The following THRB variants were observed in gnomAD, a reference collection of about 807,000 sequenced individuals.
The protein encoded by THRB is nuclear receptor subfamily 1 group A member 2.
Under a neutral mutation model 47.8 loss-of-function variants are expected in THRB, and 12 were observed. That is an observed-to-expected ratio of 0.25 (90% CI 0.16 to 0.41). The LOEUF is 0.41. THRB is among the 10% of genes least tolerant of loss of function. THRB has a pLI of 1.00. For missense variants in THRB, 348 were observed against 589.2 expected, an observed-to-expected ratio of 0.59 and a Z score of 4.24; for synonymous variants, 218 against 212.2, an observed-to-expected ratio of 1.03 and a Z score of -0.24.
At position 24,228,967 on chromosome 3, in the gene THRB, T is replaced by C; in HGVS notation, c.-8A>G. 1.9e-6 allele frequency: 3 copies of C among 1,611,894 alleles called. No homozygotes were observed. The highest frequency in any genetic ancestry group is 1.7e-6 in the Non-Finnish European group (2 of 1,178,684). On this transcript the variant is annotated 5_prime_UTR_variant, in exon 4 of 11. Coordinates refer to ENST00000646209, the MANE Select transcript of THRB (RefSeq NM_001354712.2). ...CATACTGTTGGGAGTCATAGGTTAG[T>C]AATCATTCTGGATCCCTTTTTTCAC...
At chr3:24,166,113 G>GA (rs2149297341) in intron 5 of THRB, among the ~76,000 whole-genome samples, 2 of 152,308 alleles carry the variant, frequency 1.3e-5, no homozygotes, top group South Asian at 4.1e-4. Context: ...GTACACGGTT[G>GA]AAAATGCTGC....
At chr3:24,175,724 G>A (rs1575601413) in intron 5 of THRB, among the ~76,000 whole-genome samples, 1 of 152,110 alleles carries the variant, frequency 6.6e-6, no homozygotes, top group Non-Finnish European at 1.5e-5. Context: ...ATAAAAAAAT[G>A]CAAAAATATT....
In THRB at chr3:24,164,911, C is replaced by A. The variant is rs115042891; in HGVS notation, c.284-12421G>T. ...CCCCTCTTACTGCCGTTTTTAATTT[C>A]AAATATTTAGCGTTCAAATTCAAAG... is the stretch of plus-strand genomic sequence containing the variant. On this transcript the variant is annotated intron_variant, in intron 5 of 10. Coordinates refer to ENST00000646209, the MANE Select transcript of THRB (RefSeq NM_001354712.2). 1,031 of 584,464 alleles carry A rather than the reference C, an allele frequency of 1.8e-3. 11 individuals are homozygous for A. Among genetic ancestry groups the A allele is most frequent in the African/African-American group, 0.016 (885 of 53,698 alleles). 36.2% of individuals were successfully genotyped at this position (584,464 alleles called of 1,614,324 possible). A position where few individuals can be genotyped will look rare whatever the true frequency, so the allele number is the denominator to read the frequency against.
chr3:24,175,213 T>TAAG (rs1051886369), intron 5 of THRB, among the ~76,000 whole-genome samples: 2 of 152,170 alleles, frequency 1.3e-5, no homozygotes, highest in African/African-American at 4.8e-5. Flanking sequence ...TTGTTCCATT[T>TAAG]AAGTTTTCAA....
intron 1 of THRB, among the ~76,000 whole-genome samples, chr3:24,479,664 T>C (rs983037371): frequency 5.9e-5 from 9 of 152,292 alleles, no homozygotes; most frequent in Middle Eastern, 6.8e-3. Flanking sequence ...GTCAGCTTAG[T>C]GTTCCAGCTA....
chr3:24,279,383 GT>G (rs1206898016), intron 3 of THRB, among the ~76,000 whole-genome samples: 1 of 151,672 alleles, frequency 6.6e-6, no homozygotes, highest in Non-Finnish European at 1.5e-5. Flanking sequence ...ATTGCAATGA[GT>G]TCTTTTTTCT....
In THRB at chr3:24,118,837, T is replaced by C. The variant is rs2031099292; in HGVS notation, c.*4047A>G. ...AGAAAGCCACAAACAGCGTTTTACC[T>C]GCACAATATTGCTCTTGAAGGCGGC... On this transcript the variant is annotated 3_prime_UTR_variant, in exon 11 of 11. Coordinates refer to ENST00000646209, the MANE Select transcript of THRB (RefSeq NM_001354712.2). 4.6e-5 allele frequency: 7 copies of C among 152,688 alleles called. No individual in the cohort carries two copies. The highest frequency in any genetic ancestry group is 4.6e-4 in the Admixed American group (7 of 15,286). The allele number at this position is 152,688 out of a possible 1,614,324, so 9.5% of individuals were successfully genotyped here.
chr3:24,171,840 A>C (rs1222341280), intron 5 of THRB, among the ~76,000 whole-genome samples: 1 of 152,118 alleles, frequency 6.6e-6, no homozygotes, highest in Admixed American at 6.6e-5. Context: ...GTTAATTAGC[A>C]TGGCTCCTCC....
At chr3:24,390,334 C>T (rs1291573803) in intron 1 of THRB, among the ~76,000 whole-genome samples, 1 of 152,152 alleles carries the variant, frequency 6.6e-6, no homozygotes, top group African/African-American at 2.4e-5. Context: ...CACTCCTATG[C>T]TTGCTTTGCT....
chr3:24,212,322 T>C (rs2046119819), intron 4 of THRB, among the ~76,000 whole-genome samples: 1 of 152,048 alleles, frequency 6.6e-6, no homozygotes, highest in African/African-American at 2.4e-5. Context: ...CGCTTGAACC[T>C]GGGAGGCGGA....
intron 1 of THRB, among the ~76,000 whole-genome samples, chr3:24,475,704 C>A (rs962283448): frequency 2.0e-5 from 3 of 152,144 alleles, no homozygotes. Context: ...GGTATCTCAT[C>A]TTCACTATCA....
chr3:24,284,478 C>G (rs2055016323), intron 3 of THRB, among the ~76,000 whole-genome samples: 1 of 151,728 alleles, frequency 6.6e-6, no homozygotes, highest in South Asian at 2.1e-4. Context: ...CATAAAAACC[C>G]TAGAAGAAAA....
intron 3 of THRB, among the ~76,000 whole-genome samples, chr3:24,278,085 T>C (rs2054125865): frequency 6.6e-6 from 1 of 152,196 alleles, no homozygotes; most frequent in Non-Finnish European, 1.5e-5. Flanking sequence ...AAATCCATAA[T>C]AATGTTAGAG....
intron 3 of THRB, among the ~76,000 whole-genome samples, chr3:24,264,007 A>G (rs1205326553): frequency 2.0e-5 from 3 of 152,170 alleles, no homozygotes; most frequent in Admixed American, 6.5e-5. Context: ...TTTATGTCTT[A>G]CTGACATTAA....
At chr3:24,257,654 C>T (rs2051442705) in intron 3 of THRB, among the ~76,000 whole-genome samples, 1 of 152,144 alleles carries the variant, frequency 6.6e-6, no homozygotes, top group Non-Finnish European at 1.5e-5. Context: ...TGAAAGCAGC[C>T]ACAGACAATG....
At chr3:24,205,686 A>G (rs1162588323) in intron 4 of THRB, among the ~76,000 whole-genome samples, 1 of 152,246 alleles carries the variant, frequency 6.6e-6, no homozygotes, top group African/African-American at 2.4e-5. Context: ...CATTGCTCCA[A>G]TTAAAAGACA....
At chr3:24,149,257 A>G (rs536113357) in intron 6 of THRB, among the ~76,000 whole-genome samples, 1 of 152,332 alleles carries the variant, frequency 6.6e-6, no homozygotes, top group South Asian at 2.1e-4. Context: ...GGAGGAAACA[A>G]TAATTTCCTA....
At chr3:24,147,920 C>A (rs1428734142) in intron 6 of THRB, among the ~76,000 whole-genome samples, 1 of 152,088 alleles carries the variant, frequency 6.6e-6, no homozygotes, top group Non-Finnish European at 1.5e-5. Context: ...CCAGCAATGA[C>A]CCCCACCTCC....
At chr3:24,166,468 A>T (rs2039658099) in intron 5 of THRB, among the ~76,000 whole-genome samples, 1 of 152,208 alleles carries the variant, frequency 6.6e-6, no homozygotes, top group Non-Finnish European at 1.5e-5. Flanking sequence ...AAAGATAGTG[A>T]TCAAAAAGGG....
Sources: allele counts gnomAD v4.1 joint callset (sites outside exome capture counted in the v4.1 genomes callset), GRCh38; gene constraint gnomAD v4.1.1; transcripts MANE v1.5; gene names NCBI Gene and HGNC (gene_info 2026-07-23, HGNC 2026-07-21).